Variants in MICU1 observed in about 807,000 individuals in gnomAD.
MICU1 encodes the protein calcium uptake protein 1, mitochondrial.
A neutral mutation model predicts 56.8 loss-of-function variants in MICU1; 45 were observed. The ratio of observed to expected loss-of-function variants is 0.79; its 90% CI spans 0.62 to 1.02. MICU1 has a LOEUF of 1.02. Among genes scored for constraint, MICU1 ranks in the 50% least tolerant of loss-of-function variants. The probability of loss-of-function intolerance (pLI) is 0.00; values close to 1 mark genes in which losing one functional copy is unlikely to be tolerated. For missense variants in MICU1, 504 were observed against 587.1 expected, an observed-to-expected ratio of 0.86 and a Z score of 1.46; for synonymous variants, 186 against 195.1, an observed-to-expected ratio of 0.95 and a Z score of 0.39.
intron 8 of MICU1, among the ~76,000 whole-genome samples, chr10:72,435,231 T>C (rs1864669513): frequency 6.6e-6 from 1 of 151,094 alleles, no homozygotes; most frequent in Non-Finnish European, 1.5e-5. Flanking sequence ...TCTACAAAAA[T>C]TTAAAAATTA....
intron 4 of MICU1, among the ~76,000 whole-genome samples, chr10:72,534,529 A>C (rs1218023530): frequency 6.6e-6 from 1 of 152,182 alleles, no homozygotes; most frequent in African/African-American, 2.4e-5. Context: ...ATTACAAGGG[A>C]GCATACAATT....
chr10:72,579,584 C>A (rs1056612909), intron 1 of MICU1, among the ~76,000 whole-genome samples: 1 of 151,902 alleles, frequency 6.6e-6, no homozygotes, highest in African/African-American at 2.4e-5. Flanking sequence ...ACATTTTTTT[C>A]ATTTTATTAA....
chr10:72,442,622 ATGT>A (rs2132187035), intron 8 of MICU1, among the ~76,000 whole-genome samples: 1 of 152,294 alleles, frequency 6.6e-6, no homozygotes, highest in South Asian at 2.1e-4. Context: ...CTTGCCTGGC[ATGT>A]TGTTCTCCTT....
chr10:72,620,077 A>C (rs758902017), intron 1 of MICU1, among the ~76,000 whole-genome samples: 1 of 152,142 alleles, frequency 6.6e-6, no homozygotes, highest in Non-Finnish European at 1.5e-5. Context: ...TAATTCCCAT[A>C]CTCAAAGAAC....
intron 9 of MICU1, among the ~76,000 whole-genome samples, chr10:72,408,270 G>A (rs1052649637): frequency 3.2e-4 from 48 of 152,150 alleles, no homozygotes; most frequent in Non-Finnish European, 4.3e-4. Flanking sequence ...CGTAAAATCT[G>A]AGAAAGCTTA....
At chr10:72,589,748 A>G (rs922876645) in intron 1 of MICU1, among the ~76,000 whole-genome samples, 2 of 152,178 alleles carry the variant, frequency 1.3e-5, no homozygotes, top group African/African-American at 4.8e-5. Context: ...TACATAAAGA[A>G]ATTTGATAAA....
At chr10:72,624,364 T>G (rs565229695) in intron 1 of MICU1, among the ~76,000 whole-genome samples, 1 of 152,248 alleles carries the variant, frequency 6.6e-6, no homozygotes, top group African/African-American at 2.4e-5. Context: ...TTTTTGTGTT[T>G]TGTAGAGATG....
chr10:72,430,854 C>T (rs1305599512), intron 8 of MICU1, among the ~76,000 whole-genome samples: 1 of 152,200 alleles, frequency 6.6e-6, no homozygotes, highest in East Asian at 1.9e-4. Flanking sequence ...GCCACTGCAC[C>T]TGGCCTATTA....
intron 10 of MICU1, among the ~76,000 whole-genome samples, chr10:72,380,807 A>G (rs111532702): frequency 9.9e-4 from 151 of 152,294 alleles, no homozygotes; most frequent in African/African-American, 3.0e-3. Context: ...CATGACATGA[A>G]TCTGTCACCC....
At chr10:72,395,397 A>G (rs370509935) in intron 10 of MICU1, among the ~76,000 whole-genome samples, 1 of 152,120 alleles carries the variant, frequency 6.6e-6, no homozygotes, top group Admixed American at 6.5e-5. Flanking sequence ...TGCATTTACA[A>G]TTGAGGTATC....
At chr10:72,429,429 A>AAG (rs992928050) in intron 8 of MICU1, among the ~76,000 whole-genome samples, 5 of 151,714 alleles carry the variant, frequency 3.3e-5, no homozygotes, top group African/African-American at 4.8e-5. Context: ...CAAAAAAAAA[A>AAG]AAAAAAGAAA....
chr10:72,595,366 C>T (rs536208720), intron 1 of MICU1, among the ~76,000 whole-genome samples: 3 of 148,696 alleles, frequency 2.0e-5, no homozygotes, highest in Admixed American at 1.4e-4. Context: ...CCAGGAGAAT[C>T]GCTTGAACTC....
At chr10:72,457,596 T>G (rs1865512146) in intron 8 of MICU1, among the ~76,000 whole-genome samples, 1 of 152,094 alleles carries the variant, frequency 6.6e-6, no homozygotes, top group South Asian at 2.1e-4. Flanking sequence ...GGTCACAGAA[T>G]GAGCCACATT....
chr10:72,494,022 G>A (rs187947804), intron 6 of MICU1, among the ~76,000 whole-genome samples: 2 of 152,240 alleles, frequency 1.3e-5, no homozygotes, highest in East Asian at 1.9e-4. Context: ...AACGAGAGGA[G>A]GAAAATTGCC....
At chr10:72,480,785 T>C (rs948334690) in intron 6 of MICU1, among the ~76,000 whole-genome samples, 1 of 152,236 alleles carries the variant, frequency 6.6e-6, no homozygotes, top group African/African-American at 2.4e-5. Context: ...CTTGTAGTCT[T>C]ACTGTCTTGT....
intron 5 of MICU1, chr10:72,531,334 T>G (rs2132405523): frequency 6.6e-6 from 1 of 152,278 alleles, no homozygotes; most frequent in African/African-American, 2.4e-5. Context: ...CACAAATCTG[T>G]TTTTTTAACA....
intron 3 of MICU1, among the ~76,000 whole-genome samples, chr10:72,561,801 ACT>A (rs1449361866): frequency 6.6e-6 from 1 of 152,196 alleles, no homozygotes; most frequent in Non-Finnish European, 1.5e-5. Context: ...ACAGAGGGAG[ACT>A]CTGTCTCCAA....
intron 11 of MICU1, among the ~76,000 whole-genome samples, chr10:72,368,851 A>C (rs1862233189): frequency 6.6e-6 from 1 of 152,114 alleles, no homozygotes; most frequent in African/African-American, 2.4e-5. Context: ...GAGATGAGGG[A>C]GGCATTCCAG....
chr10:72,390,107 T>C (rs140521038), intron 10 of MICU1, among the ~76,000 whole-genome samples: 4 of 152,140 alleles, frequency 2.6e-5, no homozygotes, highest in African/African-American at 7.2e-5. Context: ...TACTCTCACA[T>C]GGGTCATGCA....
Sources: gnomAD v4.1 joint callset for allele counts (sites outside exome capture counted in the v4.1 genomes callset) on GRCh38, gnomAD v4.1.1 for gene constraint, MANE v1.5 for transcripts, NCBI Gene and HGNC (gene_info 2026-07-23, HGNC 2026-07-21) for gene names.